Variants in TPM3 observed in about 807,000 individuals in gnomAD.
TPM3 encodes tropomyosin 3.
A neutral mutation model predicts 43.1 loss-of-function variants in TPM3; 16 were observed. The ratio of observed to expected loss-of-function variants is 0.37; its 90% CI spans 0.25 to 0.56. TPM3 has a LOEUF of 0.56. TPM3 is among the 20% of genes least tolerant of loss of function. TPM3 has a pLI of 0.77. For synonymous variants in TPM3, 101 were observed against 116.9 expected (o/e 0.86, Z 0.88); for missense variants, 176 against 337.2 (o/e 0.52, Z 3.74).
intron 3 of TPM3, among the ~76,000 whole-genome samples, 184 bp from the exon 4 acceptor site, chr1:154,173,385 C>T (rs1661824685): frequency 6.6e-6 from 1 of 152,216 alleles, no homozygotes; most frequent in African/African-American, 2.4e-5. Context: ...TTTGTTATGG[C>T]TGGGCACAGT....
At chr1:154,186,172 C>G (rs1663404842) in intron 2 of TPM3, among the ~76,000 whole-genome samples, 1 of 151,632 alleles carries the variant, frequency 6.6e-6, no homozygotes, top group South Asian at 2.1e-4. Context: ...TTAATAGACT[C>G]TACCCTGATG....
chr1:154,191,689 A>G, intron 1 of TPM3: 1 of 1,474,166 alleles, frequency 6.8e-7, no homozygotes, highest in South Asian at 1.4e-5. Context: ...TAAATTCAGC[A>G]GACATACTGT....
At chr1:154,174,508 T>C (rs1045975007) in intron 3 of TPM3, among the ~76,000 whole-genome samples, 8 of 146,716 alleles carry the variant, frequency 5.5e-5, no homozygotes, top group African/African-American at 2.0e-4. Flanking sequence ...GTATTCAGCA[T>C]GCAGCTATCC....
chr1:154,159,762 C>T (rs536427583), downstream of TPM3, among the ~76,000 whole-genome samples: 1 of 152,122 alleles, frequency 6.6e-6, no homozygotes, highest in East Asian at 1.9e-4. Context: ...CAGTTTTAAC[C>T]AATGAGATGT....
Position 154,167,230 on chromosome 1 carries a change from G to C in TPM3, c.*707C>G, listed in dbSNP as rs1661078983. The C allele has an allele frequency of 1.1e-5, 10 of 914,764 alleles. No individual in the cohort carries two copies. Among genetic ancestry groups the C allele is most frequent in the Non-Finnish European group, 1.2e-5 (9 of 765,806 alleles). 56.7% of individuals were successfully genotyped at this position (914,764 alleles called of 1,614,324 possible). Reference sequence around the variant, plus strand: ...GTAAGAAAGGTTTAAAGAAGAAAAAGTAAAAAAACCGTCCAGAATTCTATC... The same window carrying C: ...GTAAGAAAGGTTTAAAGAAGAAAAACTAAAAAAACCGTCCAGAATTCTATC... On this transcript the variant is annotated 3_prime_UTR_variant, in exon 10 of 10. Transcript: ENST00000651641.
intron 7 of TPM3, 86 bp from the exon 8 acceptor site, chr1:154,170,555 T>C: frequency 6.3e-7 from 1 of 1,597,272 alleles, no homozygotes; most frequent in Non-Finnish European, 8.6e-7. Context: ...CTTCTGGACC[T>C]TTCAGAACCC....
intron 2 of TPM3, among the ~76,000 whole-genome samples, chr1:154,188,371 G>T (rs1663505064): frequency 1.3e-5 from 2 of 151,642 alleles, no homozygotes; most frequent in African/African-American, 4.9e-5. Flanking sequence ...CAAGAAGGGA[G>T]AATTAATAGT....
In TPM3 at chr1:154,191,937, C is replaced by T; in HGVS notation, c.82G>A (p.Ala28Thr). ...CTTTCTTCTGCCTGCTTCTGCTCAG[C>T]TTCAGCTTGCTCTGCCCGATCCAGA... Reference protein sequence around the residue: ...NALDRAEQAEAEQKQAEERSK... With the variant: ...NALDRAEQAETEQKQAEERSK... The change falls in exon 1 of 10, where the codon GCT becomes ACT. Residue 28 changes from alanine (A) to threonine (T), a missense_variant. By Grantham distance (58) the Ala-to-Thr change is moderately conservative (BLOSUM62 0). Transcript: ENST00000651641. The T allele has an allele frequency of 6.2e-7, 1 of 1,613,956 alleles. No individual in the cohort carries two copies. The highest frequency in any genetic ancestry group is 1.1e-5 in the South Asian group (1 of 91,086).
rs201157203 is a variant in TPM3, at chr1:154,165,639, A to G, written c.*2298T>C. Among the ~76,000 whole-genome samples, 10 of 151,796 alleles carry G rather than the reference A, an allele frequency of 6.6e-5. No individual in the cohort carries two copies. The East Asian group carries it at 1.9e-3, about 30-fold the overall frequency. On this transcript the variant is annotated 3_prime_UTR_variant, in exon 10 of 10. Transcript: ENST00000651641. ...CCTCACCTCTACTAATAATACAAAA[A>G]TTAGCTGGGTGTGGTGGCAGGCGCC...
downstream of TPM3, chr1:154,156,417 A>G (rs1190524538): frequency 5.3e-6 from 1 of 188,656 alleles, no homozygotes; most frequent in Non-Finnish European, 1.1e-5. Context: ...TTCAGTATCA[A>G]AACAGTTGCA....
intron 2 of TPM3, among the ~76,000 whole-genome samples, chr1:154,181,449 G>C (rs1335736272): frequency 6.6e-6 from 1 of 152,062 alleles, no homozygotes; most frequent in Non-Finnish European, 1.5e-5. Flanking sequence ...AACCACATGA[G>C]TACTTTCACT....
intron 2 of TPM3, among the ~76,000 whole-genome samples, chr1:154,184,255 T>G (rs532872181): frequency 6.6e-5 from 10 of 152,118 alleles, no homozygotes; most frequent in African/African-American, 2.4e-4. Context: ...GCCAGGATGG[T>G]CTCGATCTCC....
rs1660887768 is a variant in TPM3, at chr1:154,165,803, AAAAG to A, written c.*2130_*2133del. 6.6e-6 allele frequency among the ~76,000 whole-genome samples: 1 copy of A among 151,848 alleles called. No homozygotes were observed. The highest frequency in any genetic ancestry group is 2.4e-5 in the African/African-American group (1 of 41,366). ...AAACTCCGTCTCAAAAAAAAAAAAA[AAAAG>A]AAAAAAAGAAAAAAGTTTTAACATG... On this transcript the variant is annotated 3_prime_UTR_variant, in exon 10 of 10. Transcript: ENST00000651641.
At chr1:154,156,464 G>C (rs1659818791), downstream of TPM3, 2 of 193,764 alleles carry the variant, frequency 1.0e-5, no homozygotes, top group South Asian at 3.9e-4. Flanking sequence ...GCCCCAAAGA[G>C]ACCACATAAA....
intron 2 of TPM3, among the ~76,000 whole-genome samples, chr1:154,186,403 A>G (rs1389190724): frequency 3.3e-5 from 5 of 151,550 alleles, no homozygotes; most frequent in Non-Finnish European, 7.4e-5. Flanking sequence ...CTCTTAATGC[A>G]GTCAAACAGA....
At chr1:154,159,063 G>T, downstream of TPM3, 1 of 780,410 alleles carries the variant, frequency 1.3e-6, no homozygotes. Context: ...AGCAGCAACG[G>T]AGAGGAGGGG....
chr1:154,177,876 G>A (rs1662510331), intron 2 of TPM3, among the ~76,000 whole-genome samples: 1 of 152,232 alleles, frequency 6.6e-6, no homozygotes, highest in Non-Finnish European at 1.5e-5. Context: ...CTAGCCACCA[G>A]GCAAAGAAAA....
At chr1:154,182,002 AAT>A (rs1663007324) in intron 2 of TPM3, among the ~76,000 whole-genome samples, 1 of 151,026 alleles carries the variant, frequency 6.6e-6, no homozygotes, top group Non-Finnish European at 1.5e-5. Context: ...CAGTTGAACA[AAT>A]ATTCCACTAG....
intron 2 of TPM3, among the ~76,000 whole-genome samples, chr1:154,186,280 T>C (rs1224794799): frequency 6.6e-6 from 1 of 151,534 alleles, no homozygotes; most frequent in East Asian, 1.9e-4. Context: ...GGGGCACTAT[T>C]GTACCTCCCT....
Sources: allele counts gnomAD v4.1 joint callset (sites outside exome capture counted in the v4.1 genomes callset), GRCh38; gene constraint gnomAD v4.1.1; transcripts MANE v1.5; gene names NCBI Gene and HGNC (gene_info 2026-07-23, HGNC 2026-07-21).